The following RIMS2 variants were observed in gnomAD, a reference collection of about 807,000 sequenced individuals.
The protein encoded by RIMS2 is regulating synaptic membrane exocytosis protein 2.
Under a neutral mutation model 174.4 loss-of-function variants are expected in RIMS2, and 59 were observed. The ratio of observed to expected loss-of-function variants is 0.34; its 90% CI spans 0.27 to 0.42. The LOEUF is 0.42. Among genes scored for constraint, RIMS2 ranks in the 10% least tolerant of loss-of-function variants. The probability of loss-of-function intolerance (pLI) is 1.00; values close to 1 mark genes in which losing one functional copy is unlikely to be tolerated. For synonymous variants in RIMS2, 606 were observed against 572.5 expected (o/e 1.06, Z -0.84); for missense variants, 1,620 against 1,666.3 (o/e 0.97, Z 0.48).
At chr8:103,878,232 C>T (rs1348357786) in intron 3 of RIMS2, among the ~76,000 whole-genome samples, 1 of 151,876 alleles carries the variant, frequency 6.6e-6, no homozygotes, top group Non-Finnish European at 1.5e-5. Flanking sequence ...CACAGCCATG[C>T]AGAACTGTGA....
chr8:103,650,635 G>A (rs1039063901), intron 1 of RIMS2, among the ~76,000 whole-genome samples: 4 of 152,228 alleles, frequency 2.6e-5, no homozygotes, highest in African/African-American at 9.6e-5. Context: ...GGGAGGTCTT[G>A]CCAAGTGAGG....
At chr8:103,664,791 A>T (rs2096648059) in intron 1 of RIMS2, among the ~76,000 whole-genome samples, 1 of 152,216 alleles carries the variant, frequency 6.6e-6, no homozygotes, top group Non-Finnish European at 1.5e-5. Flanking sequence ...AGCCCAAAGG[A>T]TTATAAATCA....
At chr8:104,227,568 C>A (rs1412359295) in intron 19 of RIMS2, among the ~76,000 whole-genome samples, 1 of 152,122 alleles carries the variant, frequency 6.6e-6, no homozygotes, top group Non-Finnish European at 1.5e-5. Flanking sequence ...GATCCAAGGG[C>A]AAATGATTAT....
At chr8:103,819,250 A>G (rs767170386) in intron 3 of RIMS2, 4 of 1,289,596 alleles carry the variant, frequency 3.1e-6, no homozygotes, top group Non-Finnish European at 3.9e-6. Context: ...CAAAAAGCTT[A>G]CTGCTGTTTA....
chr8:103,826,765 T>A (rs1320036385), intron 3 of RIMS2, among the ~76,000 whole-genome samples: 1 of 151,122 alleles, frequency 6.6e-6, no homozygotes, highest in Non-Finnish European at 1.5e-5. Flanking sequence ...GACTACAGCC[T>A]CCAACTCCTG....
intron 19 of RIMS2, among the ~76,000 whole-genome samples, chr8:104,102,739 A>G (rs2097927968): frequency 6.6e-6 from 1 of 152,144 alleles, no homozygotes; most frequent in South Asian, 2.1e-4. Flanking sequence ...CCCTTTATAA[A>G]ACCATCAGAT....
At chr8:104,060,418 C>A (rs1246589421) in intron 19 of RIMS2, among the ~76,000 whole-genome samples, 2 of 151,846 alleles carry the variant, frequency 1.3e-5, no homozygotes, top group African/African-American at 4.8e-5. Context: ...GTGGTGATAT[C>A]CCCTTTATCA....
At chr8:103,987,991 C>A (rs1237537524) in intron 16 of RIMS2, among the ~76,000 whole-genome samples, 2 of 152,108 alleles carry the variant, frequency 1.3e-5, no homozygotes, top group Admixed American at 6.5e-5. Flanking sequence ...ATCAATTTTC[C>A]ATAAATTAAT....
chr8:104,148,512 A>C (rs764871263), intron 19 of RIMS2, 95 bp from the exon 25 acceptor site: 5 of 1,134,230 alleles, frequency 4.4e-6, no homozygotes, highest in Non-Finnish European at 4.9e-6. Context: ...TAGATGATAT[A>C]ATTTAATTAT....
intron 1 of RIMS2, among the ~76,000 whole-genome samples, chr8:103,543,100 T>C (rs1367366671): frequency 6.6e-6 from 1 of 152,162 alleles, no homozygotes; most frequent in Admixed American, 6.5e-5. Context: ...GCAAATAATA[T>C]GATCTTATAT....
chr8:104,146,204 CAAAAAAAAAA>C (rs36101798), intron 19 of RIMS2, among the ~76,000 whole-genome samples: 4 of 65,896 alleles, frequency 6.1e-5, no homozygotes, highest in Non-Finnish European at 1.1e-4. Context: ...TCTCCTCTCC[CAAAAAAAAAA>C]AAAAAAAAAA....
rs567503594 is a variant in RIMS2 at position 103,655,405 on chromosome 8, T to TA, written c.177-41680dup. On this transcript the variant is annotated intron_variant, in intron 1 of 23. Transcript: ENST00000504942. ...ATACTAGGAAAAATGATAAATGCCT[T>TA]ATAATGCAACTGTCATTTTAACTTT... Among the ~76,000 whole-genome samples the TA allele has an allele frequency of 1.4e-4, 21 of 152,146 alleles. 1 individual carries two copies. In the South Asian group the frequency reaches 3.3e-3, roughly 24 times the overall value.
intron 19 of RIMS2, among the ~76,000 whole-genome samples, chr8:104,047,884 T>A (rs2096721035): frequency 6.6e-6 from 1 of 152,122 alleles, no homozygotes; most frequent in South Asian, 2.1e-4. Flanking sequence ...AGCATTGAAA[T>A]CAGACAGGTA....
chr8:104,251,689 A>G (rs756444402), exon 24 of RIMS2: 3 of 1,605,290 alleles, frequency 1.9e-6, no homozygotes, highest in East Asian at 4.5e-5. Flanking sequence ...AGAGCTATCC[A>G]ATATGGTGAT....
intron 19 of RIMS2, among the ~76,000 whole-genome samples, chr8:104,021,162 C>CATCTTTTTT (rs2096075131): frequency 6.6e-6 from 1 of 152,012 alleles, no homozygotes; most frequent in Non-Finnish European, 1.5e-5. Flanking sequence ...TCCCTGTCTT[C>CATCTTTTTT]ATCTTTTATA....
chr8:103,732,475 AG>A (rs2097614094), intron 2 of RIMS2, among the ~76,000 whole-genome samples: 1 of 152,162 alleles, frequency 6.6e-6, no homozygotes, highest in African/African-American at 2.4e-5. Flanking sequence ...TCAAGGCTTA[AG>A]GGCTCTACAA....
intron 6 of RIMS2, among the ~76,000 whole-genome samples, chr8:103,913,801 T>C (rs1022669026): frequency 6.6e-6 from 1 of 151,986 alleles, no homozygotes; most frequent in African/African-American, 2.4e-5. Flanking sequence ...GACCAGATCT[T>C]GCAAGAACTC....
rs532843224 is a variant in RIMS2, at chr8:104,187,335, A to G, written c.3335-57581A>G. Among the ~76,000 whole-genome samples the G allele has an allele frequency of 3.6e-4, 55 of 151,928 alleles. No homozygotes were observed. The South Asian group carries it at 8.1e-3, about 22-fold the overall frequency. ...TTTCAATTCAGTGCTTATAATATGA[A>G]CAATATAATGATGATAATAGTGTAT... On this transcript the variant is annotated intron_variant, in intron 19 of 23. Coordinates refer to ENST00000504942, the Ensembl canonical transcript of RIMS2.
At chr8:104,095,280 C>T (rs1303216133) in intron 19 of RIMS2, among the ~76,000 whole-genome samples, 1 of 152,090 alleles carries the variant, frequency 6.6e-6, no homozygotes, top group East Asian at 1.9e-4. Flanking sequence ...TCTTAGTTTT[C>T]TGGTAGGTTC....
Sources: allele counts gnomAD v4.1 joint callset (sites outside exome capture counted in the v4.1 genomes callset), GRCh38; gene constraint gnomAD v4.1.1; transcripts MANE v1.5; gene names NCBI Gene and HGNC (gene_info 2026-07-23, HGNC 2026-07-21).